The following CTNNA2 variants were observed in gnomAD, a reference collection of about 807,000 sequenced individuals.
CTNNA2 encodes the protein catenin alpha-2.
A neutral mutation model predicts 101.0 loss-of-function variants in CTNNA2; 42 were observed. That is an observed-to-expected ratio of 0.42 (90% CI 0.32 to 0.54). The LOEUF is 0.54. Ranked by LOEUF, CTNNA2 falls within the 20% of genes least tolerant of loss-of-function variation. The pLI is 0.14. For synonymous variants in CTNNA2, 450 were observed against 456.4 expected (o/e 0.99, Z 0.18); for missense variants, 871 against 1,223.1 (o/e 0.71, Z 4.29).
At chr2:79,365,999 T>C (rs1012490528) in intron 3 of CTNNA2, among the ~76,000 whole-genome samples, 9 of 152,216 alleles carry the variant, frequency 5.9e-5, no homozygotes, top group Non-Finnish European at 7.3e-5. Context: ...ACCAGACTTA[T>C]GAGGCGGAAG....
At chr2:80,087,876 T>C (rs1484458) in intron 7 of CTNNA2, among the ~76,000 whole-genome samples, 41,283 of 151,598 alleles carry the variant, frequency 0.27, 6,284 homozygotes, top group East Asian at 0.59. Flanking sequence ...CTCTCTCTCT[T>C]TTTCTCTCCC....
chr2:79,712,830 G>A (rs1289729596), intron 2 of CTNNA2, among the ~76,000 whole-genome samples: 1 of 152,176 alleles, frequency 6.6e-6, no homozygotes, highest in Non-Finnish European at 1.5e-5. Flanking sequence ...GAAAGAATTT[G>A]TGGATGCAGT....
chr2:79,638,363 G>T (rs1680220375), intron 1 of CTNNA2, among the ~76,000 whole-genome samples: 1 of 152,106 alleles, frequency 6.6e-6, no homozygotes, highest in African/African-American at 2.4e-5. Context: ...CTAGGTCATT[G>T]TTTCTCTTTT....
At chr2:80,176,638 T>C (rs572227371) in intron 7 of CTNNA2, among the ~76,000 whole-genome samples, 2 of 152,342 alleles carry the variant, frequency 1.3e-5, no homozygotes, top group African/African-American at 2.4e-5. Context: ...TGGGTTGTTA[T>C]AGTTTTCCAT....
chr2:79,317,287 A>G (rs74938046), intron 3 of CTNNA2, among the ~76,000 whole-genome samples: 10,474 of 152,098 alleles, frequency 0.069, 477 homozygotes, highest in East Asian at 0.13. Flanking sequence ...GTTTCTTTTC[A>G]TATGGTTAGA....
At chr2:79,875,605 A>G (rs969943323) in intron 6 of CTNNA2, among the ~76,000 whole-genome samples, 1 of 152,188 alleles carries the variant, frequency 6.6e-6, no homozygotes, top group Non-Finnish European at 1.5e-5. Context: ...GATGGATGAT[A>G]TAACTGAGGA....
chr2:80,004,943 G>T (rs1693226609), intron 7 of CTNNA2, among the ~76,000 whole-genome samples: 1 of 152,074 alleles, frequency 6.6e-6, no homozygotes, highest in South Asian at 2.1e-4. Flanking sequence ...TAATCTGCTG[G>T]CCCCGGCCTC....
intron 1 of CTNNA2, among the ~76,000 whole-genome samples, chr2:79,560,706 G>A (rs1674722740): frequency 1.3e-5 from 2 of 151,922 alleles, no homozygotes; most frequent in South Asian, 4.2e-4. Context: ...AATATGTTAG[G>A]AAAAGCATAT....
chr2:80,628,219 C>CA, intron 18 of CTNNA2, among the ~76,000 whole-genome samples: 1 of 151,924 alleles, frequency 6.6e-6, no homozygotes, highest in Non-Finnish European at 1.5e-5. Context: ...ATGCTATCCC[C>CA]ATCAAGCTAC....
chr2:79,548,667 A>G (rs1394370298), intron 1 of CTNNA2, among the ~76,000 whole-genome samples: 1 of 152,236 alleles, frequency 6.6e-6, no homozygotes, highest in Non-Finnish European at 1.5e-5. Context: ...GGTGAAATCT[A>G]CAACCATATC....
rs552930344 is a variant in CTNNA2 at position 79,568,996 on chromosome 2, T to G, written c.-6+55789T>G. Among the ~76,000 whole-genome samples the G allele has an allele frequency of 9.9e-5, 15 of 152,056 alleles. No homozygotes were observed. The South Asian group carries it at 3.1e-3, about 32-fold the overall frequency. On this transcript the variant is annotated intron_variant, in intron 1 of 18. Coordinates refer to ENST00000402739, the MANE Select transcript of CTNNA2 (RefSeq NM_001282597.3). ...TTGCAGTGAGGTGAGATCATACCCC[T>G]GCACTACAGCCTTGGTTACAGAGCA...
intron 3 of CTNNA2, among the ~76,000 whole-genome samples, chr2:79,835,694 T>G (rs1317698578): frequency 2.2e-5 from 2 of 89,816 alleles, no homozygotes; most frequent in African/African-American, 8.9e-5. Context: ...TTTTTTTTTT[T>G]TTTTTTTTTG....
chr2:79,781,189 A>G (rs1448174293), intron 3 of CTNNA2, among the ~76,000 whole-genome samples: 1 of 152,184 alleles, frequency 6.6e-6, no homozygotes, highest in Non-Finnish European at 1.5e-5. Flanking sequence ...TCCCCTTTTT[A>G]GACCATACAG....
intron 2 of CTNNA2, among the ~76,000 whole-genome samples, chr2:79,727,547 G>T (rs890669520): frequency 1.3e-5 from 2 of 151,940 alleles, no homozygotes; most frequent in African/African-American, 4.8e-5. Context: ...ACAGAGAACA[G>T]ATTTCAGATA....
Position 80,117,914 on chromosome 2 carries a change from G to A in CTNNA2, c.1056+208117G>A, listed in dbSNP as rs184693295. On this transcript the variant is annotated intron_variant, in intron 7 of 18. Transcript: ENST00000402739. ...ATCATTTTATATATATAGTCTAATC[G>A]TAACAATAACCTTATGAGGTGACTA... Among the ~76,000 whole-genome samples, 26 of 152,202 alleles carry A rather than the reference G, an allele frequency of 1.7e-4. No individual in the cohort carries two copies. The East Asian group carries it at 4.6e-3, about 27-fold the overall frequency.
At chr2:79,982,367 A>ATATATAACC (rs1691416642) in intron 7 of CTNNA2, among the ~76,000 whole-genome samples, 2 of 69,188 alleles carry the variant, frequency 2.9e-5, no homozygotes, top group Admixed American at 1.9e-4. Context: ...CCTATATAAC[A>ATATATAACC]TATATATAAC....
At chr2:79,260,665 G>A (rs1674909677) in intron 2 of CTNNA2, among the ~76,000 whole-genome samples, 1 of 152,110 alleles carries the variant, frequency 6.6e-6, no homozygotes. Context: ...CGCACATTCT[G>A]TGAAGGAATT....
chr2:79,425,456 TTA>T (rs1370350731), intron 4 of CTNNA2, among the ~76,000 whole-genome samples: 2 of 152,104 alleles, frequency 1.3e-5, no homozygotes, highest in Admixed American at 1.3e-4. Context: ...GAGTCCAAGA[TTA>T]TAGTACTGTC....
At chr2:80,511,184 C>A (rs1368012877) in intron 9 of CTNNA2, among the ~76,000 whole-genome samples, 5 of 152,092 alleles carry the variant, frequency 3.3e-5, no homozygotes, top group African/African-American at 1.2e-4. Flanking sequence ...ATATGTGAAT[C>A]CTCAGTATGC....
Sources: allele counts gnomAD v4.1 joint callset (sites outside exome capture counted in the v4.1 genomes callset), GRCh38; gene constraint gnomAD v4.1.1; transcripts MANE v1.5; gene names NCBI Gene and HGNC (gene_info 2026-07-23, HGNC 2026-07-21).